The following CNBD1 variants were observed in gnomAD, a reference collection of about 807,000 sequenced individuals.
CNBD1 encodes the protein cyclic nucleotide binding domain containing 1, also known as cyclic nucleotide-binding domain-containing protein 1.
A neutral mutation model predicts 54.4 loss-of-function variants in CNBD1; 71 were observed. The observed-to-expected ratio is 1.30, with a 90% CI of 1.08 to 1.59. The LOEUF is 1.59. Ranked by LOEUF, CNBD1 falls within the 40% of genes most tolerant of loss-of-function variation. The pLI is 0.00. For synonymous variants in CNBD1, 182 were observed against 170.7 expected (o/e 1.07, Z -0.51); for missense variants, 659 against 518.0 (o/e 1.27, Z -2.64).
intron 2 of CNBD1, among the ~76,000 whole-genome samples, chr8:87,392,000 G>C (rs539235672): frequency 1.1e-4 from 16 of 151,914 alleles, no homozygotes; most frequent in Non-Finnish European, 1.9e-4. Flanking sequence ...AATTAATGAA[G>C]GGCAGGAATG....
intron 8 of CNBD1, among the ~76,000 whole-genome samples, chr8:87,294,393 T>C (rs1808838152): frequency 6.6e-6 from 1 of 152,140 alleles, no homozygotes; most frequent in Non-Finnish European, 1.5e-5. Flanking sequence ...TGTCTGTGGA[T>C]GTCAGTTTAA....
rs192061563 is a variant in CNBD1, at chr8:87,302,284, T to G, written c.1042+15613T>G. Among the ~76,000 whole-genome samples, 4 of 152,222 alleles carry G rather than the reference T, an allele frequency of 2.6e-5. No homozygotes were observed. The East Asian group carries it at 7.7e-4, about 29-fold the overall frequency. ...ATCCAGCAGCACATCAAAAAGCTTA[T>G]CCAACATGATCAAGTGGGCTTCATC... On this transcript the variant is annotated intron_variant, in intron 8 of 10. Coordinates refer to ENST00000518476, the MANE Select transcript of CNBD1 (RefSeq NM_173538.3).
chr8:87,387,861 G>A lies in CNBD1; in HGVS notation c.213+34075G>A, dbSNP rs556420281. On this transcript the variant is annotated intron_variant, in intron 2 of 7. Transcript: ENST00000521593. ...AATTGACCACATAGTTGGAAGTAAAGCACTCCTCAGCAAGTGTAGAAAATA... is the reference window on the plus strand; with the variant it reads ...AATTGACCACATAGTTGGAAGTAAAACACTCCTCAGCAAGTGTAGAAAATA... Among the ~76,000 whole-genome samples, 3 of 152,242 alleles carry A rather than the reference G, an allele frequency of 2.0e-5. No homozygotes were observed. In the South Asian group the frequency reaches 6.2e-4, roughly 32 times the overall value.
chr8:87,015,977 CAAAAAA>C (rs58453987), intron 4 of CNBD1, among the ~76,000 whole-genome samples: 2 of 55,968 alleles, frequency 3.6e-5, no homozygotes, highest in African/African-American at 1.4e-4. Context: ...GAATCCGTCT[CAAAAAA>C]AAAAAAAAAA....
intron 8 of CNBD1, among the ~76,000 whole-genome samples, chr8:87,324,482 C>A (rs1254216474): frequency 1.4e-5 from 2 of 147,360 alleles, no homozygotes; most frequent in African/African-American, 2.5e-5. Context: ...AATTTCAGCT[C>A]CTGTTATTGG....
intron 8 of CNBD1, among the ~76,000 whole-genome samples, chr8:87,314,488 AAAAAG>A (rs1379867493): frequency 1.3e-5 from 2 of 151,956 alleles, no homozygotes; most frequent in African/African-American, 4.8e-5. Context: ...AGTGATCTAA[AAAAAG>A]AAGTCAGCTA....
intron 4 of CNBD1, among the ~76,000 whole-genome samples, chr8:87,162,394 AAATAT>A (rs1812876280): frequency 6.6e-6 from 1 of 152,114 alleles, no homozygotes; most frequent in Admixed American, 6.6e-5. Context: ...TCACCATTTT[AAATAT>A]TTGAAAATGT....
At chr8:87,135,708 A>C (rs57488625) in intron 4 of CNBD1, among the ~76,000 whole-genome samples, 5,566 of 149,538 alleles carry the variant, frequency 0.037, 336 homozygotes, top group African/African-American at 0.13. Flanking sequence ...GCATCCTAAA[A>C]CTATTTATGA....
At chr8:86,954,122 T>G (rs1807698397) in intron 4 of CNBD1, among the ~76,000 whole-genome samples, 1 of 152,216 alleles carries the variant, frequency 6.6e-6, no homozygotes, top group Admixed American at 6.5e-5. Context: ...CTCATGTCCT[T>G]CCCTTCTTTT....
At chr8:87,278,797 C>T (rs1413778957) in intron 6 of CNBD1, among the ~76,000 whole-genome samples, 1 of 151,346 alleles carries the variant, frequency 6.6e-6, no homozygotes, top group African/African-American at 2.4e-5. Context: ...CAATATTATT[C>T]CTTGTGAAGT....
chr8:87,221,195 C>T (rs1461512218), intron 5 of CNBD1, among the ~76,000 whole-genome samples: 1 of 152,064 alleles, frequency 6.6e-6, no homozygotes, highest in Non-Finnish European at 1.5e-5. Flanking sequence ...TCTAGTCAGC[C>T]ATCTTAAACC....
At chr8:87,374,413 A>G (rs775279288) in intron 10 of CNBD1, among the ~76,000 whole-genome samples, 6 of 151,902 alleles carry the variant, frequency 3.9e-5, no homozygotes, top group Non-Finnish European at 5.9e-5. Flanking sequence ...ACCACATTTA[A>G]GATAGTTCCT....
chr8:87,301,520 A>G (rs1278250084), intron 8 of CNBD1, among the ~76,000 whole-genome samples: 1 of 152,168 alleles, frequency 6.6e-6, no homozygotes, highest in Non-Finnish European at 1.5e-5. Flanking sequence ...GTTTCATACC[A>G]AAGATGCAGG....
intron 10 of CNBD1, among the ~76,000 whole-genome samples, chr8:87,380,289 G>GA (rs1179613657): frequency 9.9e-5 from 15 of 151,818 alleles, no homozygotes; most frequent in Admixed American, 9.9e-4. Context: ...TTAAAAATAA[G>GA]ATCATTCTTG....
intron 2 of CNBD1, among the ~76,000 whole-genome samples, chr8:87,422,871 G>A (rs1387128544): frequency 6.6e-6 from 1 of 152,108 alleles, no homozygotes; most frequent in Non-Finnish European, 1.5e-5. Context: ...GGGCAGTATG[G>A]CCATTTTCAC....
intron 4 of CNBD1, among the ~76,000 whole-genome samples, chr8:87,056,378 C>T (rs1289909997): frequency 2.0e-5 from 3 of 152,180 alleles, no homozygotes; most frequent in Admixed American, 2.0e-4. Flanking sequence ...GCCTTACAGT[C>T]CCTAGACTTA....
chr8:87,329,708 C>G (rs758402806), intron 8 of CNBD1, among the ~76,000 whole-genome samples: 1 of 151,804 alleles, frequency 6.6e-6, no homozygotes, highest in African/African-American at 2.4e-5. Flanking sequence ...TTGTTTGTTG[C>G]TAGTATATAG....
intron 4 of CNBD1, among the ~76,000 whole-genome samples, chr8:87,095,672 T>G (rs1461110032): frequency 1.3e-5 from 2 of 152,224 alleles, no homozygotes; most frequent in East Asian, 1.9e-4. Context: ...TCGTCTTTTT[T>G]TTTGAGACGG....
At chr8:87,148,072 A>G (rs1812527218) in intron 4 of CNBD1, among the ~76,000 whole-genome samples, 1 of 152,214 alleles carries the variant, frequency 6.6e-6, no homozygotes, top group Admixed American at 6.5e-5. Context: ...GTCAAATAGG[A>G]GATATTCATA....
Sources: allele counts gnomAD v4.1 joint callset (sites outside exome capture counted in the v4.1 genomes callset), GRCh38; gene constraint gnomAD v4.1.1; transcripts MANE v1.5; gene names NCBI Gene and HGNC (gene_info 2026-07-23, HGNC 2026-07-21).